The following TSHZ1 variants were observed in gnomAD, a reference collection of about 807,000 sequenced individuals.
TSHZ1 encodes the protein teashirt zinc finger homeobox 1, also known as teashirt homolog 1.
A neutral mutation model predicts 67.1 loss-of-function variants in TSHZ1; 12 were observed. The ratio of observed to expected loss-of-function variants is 0.18; its 90% confidence interval spans 0.11 to 0.29. The LOEUF (loss-of-function observed/expected upper bound fraction) is 0.29, where lower values mean the gene tolerates loss of function less well. Among genes scored for constraint, TSHZ1 ranks in the 10% least tolerant of loss-of-function variants. TSHZ1 has a pLI of 1.00. For missense variants in TSHZ1, 1,305 were observed against 1,413.9 expected (o/e 0.92, Z 1.23); for synonymous variants, 632 against 622.4 (o/e 1.02, Z -0.23).
rs1356323305 is a variant in TSHZ1, at chr18:75,211,848, TGAGGCGACGGCTGCGGCGGCC to T, written c.-25_-5del. On this transcript the variant is annotated 5_prime_UTR_variant, in exon 1 of 2. Coordinates refer to ENST00000580243, the MANE Select transcript of TSHZ1 (RefSeq NM_001308210.2). ...GCGCCCCGCGAACTCCGGCGGCGGC[TGAGGCGACGGCTGCGGCGGCC>T]GAGCAGCATGCCGAGGAGGAAGCAG... is the stretch of plus-strand genomic sequence containing the variant. 1 of 1,154,100 alleles carries T rather than the reference TGAGGCGACGGCTGCGGCGGCC, an allele frequency of 8.7e-7. No homozygotes were observed. Among genetic ancestry groups the T allele is most frequent in the Non-Finnish European group, 1.1e-6 (1 of 938,724 alleles). 71.5% of individuals were successfully genotyped at this position (1,154,100 alleles called of 1,614,324 possible).
chr18:75,230,712 G>A (rs377360641), intron 1 of TSHZ1, among the ~76,000 whole-genome samples: 43 of 152,286 alleles, frequency 2.8e-4, no homozygotes, highest in Non-Finnish European at 5.1e-4. Context: ...TTAAAGAGAC[G>A]TCGTCTTCTT....
In TSHZ1 at chr18:75,288,619, T is replaced by C; in HGVS notation, c.3212T>C (p.Val1071Ala). Reference sequence around the variant, plus strand: ...TCTCCCGAGGACCACCTGATCTATGTGACTGAGTTGGAGAAACAGTAGCGT... The same window carrying C: ...TCTCCCGAGGACCACCTGATCTATGCGACTGAGTTGGAGAAACAGTAGCGT... ...GKSPEDHLIY[V>A]TELEKQ Residue 1071 changes from valine to alanine, a missense_variant, in exon 2 of 2, where the codon GTG (valine) becomes GCG (alanine). Physicochemically the swap from Val to Ala is moderately conservative, Grantham distance 64. Around this residue, in one of 3 missense-constraint regions of TSHZ1, gnomAD observed 909 missense variants for 961.8 expected, o/e 0.95. Coordinates refer to ENST00000580243, the MANE Select transcript of TSHZ1 (RefSeq NM_001308210.2). This position sits in a 1 kb window ranked among gnomAD's most constrained non-coding sequence, Gnocchi z 4.9. 6.2e-7 allele frequency: 1 copy of C among 1,600,028 alleles called. No homozygotes were observed. The highest frequency in any genetic ancestry group is 8.5e-7 in the Non-Finnish European group (1 of 1,173,724).
At chr18:75,238,663 G>A (rs890641757) in intron 1 of TSHZ1, among the ~76,000 whole-genome samples, 2 of 151,766 alleles carry the variant, frequency 1.3e-5, no homozygotes, top group Non-Finnish European at 1.5e-5. Context: ...GATTTGGGGG[G>A]AGGGGAGTGT....
intron 1 of TSHZ1, among the ~76,000 whole-genome samples, chr18:75,228,135 C>T (rs1455997647): frequency 1.3e-5 from 2 of 152,140 alleles, no homozygotes; most frequent in Non-Finnish European, 2.9e-5. Context: ...TGGATGGATG[C>T]TTTTTTCAAA....
Position 75,229,193 on chromosome 18 carries a change from C to A in TSHZ1, c.40+17277C>A, listed in dbSNP as rs536795502. On this transcript the variant is annotated intron_variant, in intron 1 of 1. Transcript: ENST00000580243. The stretch of plus-strand genomic sequence containing the variant: ...GGGTGGGTGCCACCCGACCTGCCGG[C>A]CCTCCTCAAAGCCCACCTCAGCTTT... Among the ~76,000 whole-genome samples, 7 of 152,364 alleles carry A rather than the reference C, an allele frequency of 4.6e-5. No individual in the cohort carries two copies. The South Asian group carries it at 1.4e-3, about 32-fold the overall frequency.
intron 1 of TSHZ1, among the ~76,000 whole-genome samples, chr18:75,241,246 G>A (rs1476357310): frequency 6.6e-6 from 1 of 152,170 alleles, no homozygotes; most frequent in East Asian, 1.9e-4. Flanking sequence ...AGTCCGGAGT[G>A]GGCTGGGGGT....
At chr18:75,272,334 G>A (rs933220189) in intron 1 of TSHZ1, among the ~76,000 whole-genome samples, 3 of 152,216 alleles carry the variant, frequency 2.0e-5, no homozygotes, top group Admixed American at 1.3e-4. Flanking sequence ...AAGGGAGGAT[G>A]AGAGGGAAAG....
chr18:75,239,987 T>A (rs1461089097), intron 1 of TSHZ1, among the ~76,000 whole-genome samples: 1 of 152,208 alleles, frequency 6.6e-6, no homozygotes, highest in African/African-American at 2.4e-5. Flanking sequence ...GGTCATTTGT[T>A]TCCCTGCTTT....
chr18:75,247,435 C>T (rs2023237730), intron 1 of TSHZ1, among the ~76,000 whole-genome samples: 1 of 152,198 alleles, frequency 6.6e-6, no homozygotes, highest in South Asian at 2.1e-4. Flanking sequence ...GCAAATTGCA[C>T]AACCCACAAA....
In TSHZ1 at chr18:75,286,045, C is replaced by G; in HGVS notation, c.638C>G (p.Ser213Trp). The change falls in exon 2 of 2, where the codon TCG (serine) becomes TGG (tryptophan). Residue 213 changes from serine to tryptophan, a missense_variant. By Grantham distance (177) the Ser-to-Trp change is radical. Transcript: ENST00000580243. The surrounding 1 kb of genome is among the most constrained non-coding windows in gnomAD (Gnocchi z 5.1). The part of the protein sequence containing the change: ...ALAKTLQQTS[S>W]YGLLPEPSLF... ...GCCAAGACGCTGCAGCAGACGTCCT[C>G]GTATGGGCTGCTTCCTGAGCCCAGC... is the stretch of plus-strand genomic sequence containing the variant. 6.2e-7 allele frequency: 1 copy of G among 1,613,318 alleles called. No homozygotes were observed. Among genetic ancestry groups the G allele is most frequent in the Non-Finnish European group, 8.5e-7 (1 of 1,179,798 alleles).
At chr18:75,218,011 A>G (rs566063199) in intron 1 of TSHZ1, among the ~76,000 whole-genome samples, 2 of 152,268 alleles carry the variant, frequency 1.3e-5, no homozygotes, top group South Asian at 4.2e-4. Context: ...CATTTGTGTA[A>G]TCAAGCCCTA....
chr18:75,220,609 A>T (rs945407602), intron 1 of TSHZ1, among the ~76,000 whole-genome samples: 1 of 152,246 alleles, frequency 6.6e-6, no homozygotes, highest in African/African-American at 2.4e-5. Context: ...CTTACAGTAA[A>T]ATAAAACTAA....
intron 1 of TSHZ1, among the ~76,000 whole-genome samples, chr18:75,237,855 C>T (rs943653436): frequency 6.6e-6 from 1 of 150,966 alleles, no homozygotes; most frequent in South Asian, 2.1e-4. Context: ...TCTTGTTGCC[C>T]AGGCTGGAGT....
At chr18:75,238,660 G>T (rs1361014698) in intron 1 of TSHZ1, among the ~76,000 whole-genome samples, 1 of 151,792 alleles carries the variant, frequency 6.6e-6, no homozygotes, top group Non-Finnish European at 1.5e-5. Flanking sequence ...TAGGATTTGG[G>T]GGGAGGGGAG....
chr18:75,259,523 G>A (rs1481120562), intron 1 of TSHZ1, among the ~76,000 whole-genome samples: 1 of 152,138 alleles, frequency 6.6e-6, no homozygotes, highest in Non-Finnish European at 1.5e-5. Context: ...GCCCCGGTTA[G>A]TCACTTAGTA....
At chr18:75,239,640 G>A (rs142822289) in intron 1 of TSHZ1, among the ~76,000 whole-genome samples, 9 of 152,214 alleles carry the variant, frequency 5.9e-5, no homozygotes, top group South Asian at 2.1e-4. Flanking sequence ...AGCTGGGACC[G>A]CAGATGTGTC....
rs1431108643 is a variant in TSHZ1, at chr18:75,285,810, G to T, written c.403G>T (p.Asp135Tyr). The change falls in exon 2 of 2, where the codon GAT (aspartate) becomes TAT (tyrosine). Residue 135 changes from aspartate (D) to tyrosine (Y), a missense_variant. Coordinates refer to ENST00000580243, the MANE Select transcript of TSHZ1 (RefSeq NM_001308210.2). ...GTCCTGCTGGTCCAGCTTAGCTCTG[G>T]ATTTAAAGAAGTCGGGTTCCACCAC... ...SESCWSSLALDLKKSGSTTST... is the reference protein window; with the variant it reads ...SESCWSSLALYLKKSGSTTST... 1.4e-5 allele frequency: 22 copies of T among 1,613,962 alleles called. No individual in the cohort carries two copies. The highest frequency in any genetic ancestry group is 1.8e-5 in the Non-Finnish European group (21 of 1,180,030).
At chr18:75,234,260 C>G (rs1455348922) in intron 1 of TSHZ1, among the ~76,000 whole-genome samples, 1 of 152,148 alleles carries the variant, frequency 6.6e-6, no homozygotes, top group Non-Finnish European at 1.5e-5. Context: ...GGGTTCCCTG[C>G]GCACCTACTC....
In TSHZ1 at chr18:75,221,699, C is replaced by T. The variant is rs369856584; in HGVS notation, c.40+9783C>T. Reference sequence around the variant, plus strand: ...TATTAATGCAGTAAACTGTGTAATACTCTATAAGAGCCTGCCCTGCTTCAG... The same window carrying T: ...TATTAATGCAGTAAACTGTGTAATATTCTATAAGAGCCTGCCCTGCTTCAG... On this transcript the variant is annotated intron_variant, in intron 1 of 1. Coordinates refer to ENST00000580243, the MANE Select transcript of TSHZ1 (RefSeq NM_001308210.2). 3.9e-5 allele frequency among the ~76,000 whole-genome samples: 6 copies of T among 152,202 alleles called. No individual in the cohort carries two copies. The East Asian group carries it at 9.6e-4, about 24-fold the overall frequency.
Sources: gnomAD v4.1 joint callset for allele counts (sites outside exome capture counted in the v4.1 genomes callset) on GRCh38, gnomAD v4.1.1 for gene constraint, gnomAD v4.1.1 regional missense constraint, Gnocchi (gnomAD v3.1) non-coding constraint, MANE v1.5 for transcripts, NCBI Gene and HGNC (gene_info 2026-07-23, HGNC 2026-07-21) for gene names.